Variants in AGTPBP1 observed in about 807,000 individuals in gnomAD.
AGTPBP1 encodes the protein ATP/GTP binding carboxypeptidase 1.
Under a neutral mutation model 143.9 loss-of-function variants are expected in AGTPBP1, and 70 were observed. That is an observed-to-expected ratio of 0.49 (90% CI 0.40 to 0.59). The LOEUF (loss-of-function observed/expected upper bound fraction) is 0.59. Ranked by LOEUF, AGTPBP1 falls within the 20% of genes least tolerant of loss-of-function variation. The pLI, the probability that AGTPBP1 is intolerant of heterozygous loss-of-function variation, is 0.00. For synonymous variants in AGTPBP1, 463 were observed against 500.2 expected (o/e 0.93, Z 0.99); for missense variants, 1,229 against 1,464.5 (o/e 0.84, Z 2.62).
chr9:85,612,948 AT>A (rs1430047120), intron 17 of AGTPBP1, among the ~76,000 whole-genome samples: 1 of 151,808 alleles, frequency 6.6e-6, no homozygotes, highest in Non-Finnish European at 1.5e-5. Context: ...AATGAATATT[AT>A]TTTCCAAGTG....
Position 85,575,468 on chromosome 9 carries a change from T to A in AGTPBP1, c.3350A>T (p.Gln1117Leu). ...GCDQGKYKGLQIGTRELEEMG... is the reference protein window; with the variant it reads ...GCDQGKYKGLLIGTRELEEMG... ...CTCTTCCAGTTCTCGGGTACCAATC[T>A]GTAAACCCTTGAAATAAACAAATAT... Residue 1117 changes from glutamine to leucine, a missense_variant, in exon 25 of 26, where the codon CAG (glutamine) becomes CTG (leucine). By Grantham distance (113) the Gln-to-Leu change is moderately radical (BLOSUM62 -2). This residue lies in a region of AGTPBP1 where 486 missense variants were observed against 652.3 expected (regional missense o/e 0.75). Coordinates refer to ENST00000357081, the MANE Select transcript of AGTPBP1 (RefSeq NM_001330701.2). 6.2e-7 allele frequency: 1 copy of A among 1,601,600 alleles called. No homozygotes were observed. Among genetic ancestry groups the A allele is most frequent in the Non-Finnish European group, 8.5e-7 (1 of 1,176,742 alleles).
chr9:85,773,913 G>A, the AGTPBP1 span: 2 of 1,607,324 alleles, frequency 1.2e-6, no homozygotes, highest in Non-Finnish European at 1.7e-6. Context: ...TCTGGAACGG[G>A]ATAATATGGT....
intron 24 of AGTPBP1, among the ~76,000 whole-genome samples, chr9:85,575,768 G>A (rs1863120): frequency 0.19 from 28,208 of 152,030 alleles, 3,380 homozygotes; most frequent in East Asian, 0.52. Flanking sequence ...ACTTTGTGAC[G>A]TTACTTGTAG....
intron 1 of AGTPBP1, among the ~76,000 whole-genome samples, chr9:85,719,062 G>A (rs1251584711): frequency 6.6e-6 from 1 of 152,132 alleles, no homozygotes; most frequent in East Asian, 1.9e-4. Flanking sequence ...TGCTGTTTTA[G>A]TTACTGTAGC....
intron 2 of AGTPBP1, among the ~76,000 whole-genome samples, chr9:85,711,576 A>C (rs1837372670): frequency 6.6e-6 from 1 of 151,626 alleles, no homozygotes; most frequent in Non-Finnish European, 1.5e-5. Flanking sequence ...AGTAGCTGGG[A>C]CTACAGGCGC....
chr9:85,804,346 CCT>C, the AGTPBP1 span, among the ~76,000 whole-genome samples: 1 of 152,098 alleles, frequency 6.6e-6, no homozygotes, highest in African/African-American at 2.4e-5. Flanking sequence ...TAAAACTCTC[CCT>C]GTCTCCTTCA....
rs533766426 is a variant in AGTPBP1, at chr9:85,719,715, G to A, written c.-33-7149C>T. Among the ~76,000 whole-genome samples the A allele has an allele frequency of 5.4e-3, 817 of 152,344 alleles. 1 individual carries two copies. Among genetic ancestry groups the A allele is most frequent in the Non-Finnish European group, 8.9e-3 (606 of 68,040 alleles). On this transcript the variant is annotated intron_variant, in intron 1 of 25. Transcript: ENST00000357081. ...ACACTATGTTGAATAGGAGTGGTGA[G>A]AGAGGGCATCCTTGTCTTGTGCCAG...
At chr9:85,744,664 A>G (rs1471994712), upstream of AGTPBP1, among the ~76,000 whole-genome samples, 2 of 152,170 alleles carry the variant, frequency 1.3e-5, no homozygotes, top group Non-Finnish European at 2.9e-5. Flanking sequence ...CAGGTTCCCT[A>G]TTTGTGTAAG....
intron 20 of AGTPBP1, among the ~76,000 whole-genome samples, chr9:85,589,066 A>C (rs1276365667): frequency 9.2e-5 from 14 of 152,126 alleles, no homozygotes; most frequent in Admixed American, 9.2e-4. Context: ...TGAAAGTTTT[A>C]TTTTTATTAC....
chr9:85,753,199 G>C, the AGTPBP1 span: 3 of 1,439,816 alleles, frequency 2.1e-6, no homozygotes, highest in South Asian at 1.4e-5. Context: ...CTGGGTGACA[G>C]AGCGAGATCT....
intron 2 of AGTPBP1, among the ~76,000 whole-genome samples, chr9:85,697,445 G>GTTTTTTTTTTTT (rs758082233): frequency 2.3e-4 from 15 of 65,060 alleles, no homozygotes; most frequent in East Asian, 5.4e-4. Context: ...TTTGTTTTTT[G>GTTTTTTTTTTTT]TTTTTTTTTT....
At chr9:85,626,154 G>T (rs1831280177) in intron 14 of AGTPBP1, among the ~76,000 whole-genome samples, 1 of 152,008 alleles carries the variant, frequency 6.6e-6, no homozygotes, top group African/African-American at 2.4e-5. Context: ...CAGTGTGTTT[G>T]CAATACAATT....
the AGTPBP1 span, among the ~76,000 whole-genome samples, chr9:85,749,907 A>T: frequency 2.0e-5 from 3 of 147,606 alleles, no homozygotes; most frequent in Non-Finnish European, 3.0e-5. Context: ...TTTGAGACGG[A>T]GTCTCTCTTT....
chr9:85,772,235 AAGTGCTGGG>A, the AGTPBP1 span, among the ~76,000 whole-genome samples: 4 of 151,928 alleles, frequency 2.6e-5, no homozygotes, highest in East Asian at 7.7e-4. Context: ...CGGCCTCCCA[AAGTGCTGGG>A]ATTACAGGTG....
chr9:85,624,419 G>C (rs597360), intron 14 of AGTPBP1, among the ~76,000 whole-genome samples: 98,673 of 152,022 alleles, frequency 0.65, 32,981 homozygotes, highest in East Asian at 0.86. Context: ...CCTCATAGAG[G>C]TGCTATAGTA....
At chr9:85,572,663 A>C (rs1012277999) in intron 25 of AGTPBP1, among the ~76,000 whole-genome samples, 1 of 152,200 alleles carries the variant, frequency 6.6e-6, no homozygotes, top group Non-Finnish European at 1.5e-5. Context: ...AGCATAAACG[A>C]TATTTCAGTA....
chr9:85,625,561 T>A (rs1339405060), intron 14 of AGTPBP1, among the ~76,000 whole-genome samples: 1 of 152,202 alleles, frequency 6.6e-6, no homozygotes, highest in Non-Finnish European at 1.5e-5. Flanking sequence ...TATATAAAAG[T>A]GTAATTTATA....
rs1338803448 is a variant in AGTPBP1 at position 85,639,361 on chromosome 9, G to GCACACA, written c.1302+3465_1302+3466insTGTGTG. ...CATACATACACACACCCATGCGCGC[G>GCACACA]CACGCGCACACACACACACACACAC... On this transcript the variant is annotated intron_variant, in intron 13 of 25. Coordinates refer to ENST00000357081, the MANE Select transcript of AGTPBP1 (RefSeq NM_001330701.2). Among the ~76,000 whole-genome samples the GCACACA allele has an allele frequency of 8.9e-3, 1,163 of 130,946 alleles. 7 individuals are homozygous for GCACACA. Among genetic ancestry groups the GCACACA allele is most frequent in the Middle Eastern group, 0.015 (4 of 266 alleles). 85.9% of individuals were successfully genotyped at this position (130,946 alleles called of 152,430 possible). A position where few individuals can be genotyped will look rare whatever the true frequency, so the allele number is the denominator to read the frequency against.
chr9:85,652,960 T>C (rs541750024), intron 11 of AGTPBP1, among the ~76,000 whole-genome samples: 7 of 152,068 alleles, frequency 4.6e-5, no homozygotes, highest in Non-Finnish European at 8.8e-5. Flanking sequence ...ATATGGAGAA[T>C]TGGTTGGTAT....
Sources: gnomAD v4.1 joint callset for allele counts (sites outside exome capture counted in the v4.1 genomes callset) on GRCh38, gnomAD v4.1.1 for gene constraint, gnomAD v4.1.1 regional missense constraint, MANE v1.5 for transcripts, NCBI Gene and HGNC (gene_info 2026-07-23, HGNC 2026-07-21) for gene names.